Variants in PDE8B observed in about 807,000 individuals in gnomAD.
The protein encoded by PDE8B is phosphodiesterase 8B.
PDE8B carries 26 observed loss-of-function variants against 101.3 expected under a neutral mutation model. That is an observed-to-expected ratio of 0.26 (90% CI 0.19 to 0.36). The LOEUF (loss-of-function observed/expected upper bound fraction) is 0.36, where lower values mean the gene tolerates loss of function less well. Among genes scored for constraint, PDE8B ranks in the 10% least tolerant of loss-of-function variants. The pLI is 1.00. For synonymous variants in PDE8B, 424 were observed against 429.3 expected, an observed-to-expected ratio of 0.99 and a Z score of 0.15; for missense variants, 810 against 1,163.1, an observed-to-expected ratio of 0.70 and a Z score of 4.42.
At chr5:77,291,902 A>G in intron 1 of PDE8B, 2 of 1,073,828 alleles carry the variant, frequency 1.9e-6, no homozygotes, top group Non-Finnish European at 2.8e-6. Flanking sequence ...ATGCATTATT[A>G]TGACTGTGAC....
At chr5:77,194,790 A>G in the PDE8B span, among the ~76,000 whole-genome samples, 1 of 152,246 alleles carries the variant, frequency 6.6e-6, no homozygotes, top group East Asian at 1.9e-4. Context: ...AAATGGCTGA[A>G]TAATATTCCA....
chr5:77,204,857 T>C, the PDE8B span, among the ~76,000 whole-genome samples: 311 of 152,378 alleles, frequency 2.0e-3, 1 homozygote, highest in Middle Eastern at 0.02. Flanking sequence ...TATATTTTCA[T>C]GTGTAAGTCC....
the PDE8B span, among the ~76,000 whole-genome samples, chr5:77,111,498 T>G: frequency 6.6e-6 from 1 of 152,184 alleles, no homozygotes; most frequent in Non-Finnish European, 1.5e-5. Flanking sequence ...GCTCCCTGAC[T>G]GCAGAAAGCA....
At chr5:77,398,151 G>A (rs1791464695) in intron 10 of PDE8B, among the ~76,000 whole-genome samples, 1 of 151,896 alleles carries the variant, frequency 6.6e-6, no homozygotes, top group South Asian at 2.1e-4. Context: ...GAAGTAAATG[G>A]AGAAACAGAA....
At chr5:77,369,691 CACAGCTAGAAA>C (rs1299877856) in intron 10 of PDE8B, among the ~76,000 whole-genome samples, 1 of 152,190 alleles carries the variant, frequency 6.6e-6, no homozygotes, top group Non-Finnish European at 1.5e-5. Flanking sequence ...AGAGCAGTTA[CACAGCTAGAAA>C]ATGTGCAAGC....
At chr5:77,113,786 G>C in the PDE8B span, 1 of 152,188 alleles carries the variant, frequency 6.6e-6, no homozygotes. Context: ...CTAGTATCCA[G>C]AATCTACAAA....
At chr5:77,345,477 T>C (rs1437461801) in intron 7 of PDE8B, among the ~76,000 whole-genome samples, 2 of 152,202 alleles carry the variant, frequency 1.3e-5, no homozygotes, top group East Asian at 3.9e-4. Context: ...GGGTAAATTC[T>C]TTTGACCATC....
chr5:77,372,602 A>T (rs994619670), intron 10 of PDE8B, among the ~76,000 whole-genome samples: 7 of 152,148 alleles, frequency 4.6e-5, no homozygotes, highest in Non-Finnish European at 8.8e-5. Flanking sequence ...TTTTCCCCTA[A>T]ATATAGGAAA....
At chr5:77,423,048 T>TC (rs1382513756) in intron 20 of PDE8B, among the ~76,000 whole-genome samples, 1 of 152,210 alleles carries the variant, frequency 6.6e-6, no homozygotes, top group African/African-American at 2.4e-5. Flanking sequence ...TGTCTACTGT[T>TC]CCAGTTTCTG....
In PDE8B at chr5:77,427,258, C is replaced by T. The variant is rs1798309928; in HGVS notation, c.*704C>T. 6.6e-6 allele frequency: 1 copy of T among 152,430 alleles called. No individual in the cohort carries two copies. The highest frequency in any genetic ancestry group is 6.6e-5 in the Admixed American group (1 of 15,258). The allele number at this position is 152,430 out of a possible 1,614,324, so 9.4% of individuals were successfully genotyped here. On this transcript the variant is annotated 3_prime_UTR_variant, in exon 22 of 22. Transcript: ENST00000264917. The stretch of plus-strand genomic sequence containing the variant: ...AGGGGTTCATCTTAACAAAGTCATC[C>T]ATGATGAGGGAAAAAGTGGCATTTC...
intron 1 of PDE8B, among the ~76,000 whole-genome samples, chr5:77,277,678 T>A (rs1764113161): frequency 6.6e-6 from 1 of 152,242 alleles, no homozygotes; most frequent in African/African-American, 2.4e-5. Context: ...TTCTCTTTTG[T>A]TCATTTTACA....
At chr5:77,178,734 C>T in the PDE8B span, among the ~76,000 whole-genome samples, 1 of 152,136 alleles carries the variant, frequency 6.6e-6, no homozygotes, top group Non-Finnish European at 1.5e-5. Flanking sequence ...CTGAAAGCGG[C>T]AATCAATATC....
chr5:77,263,306 G>T lies in PDE8B; in HGVS notation c.340-48688G>T, dbSNP rs369690714. Among the ~76,000 whole-genome samples the T allele has an allele frequency of 1.3e-3, 195 of 152,306 alleles. 1 individual carries two copies. Among genetic ancestry groups the T allele is most frequent in the Non-Finnish European group, 2.3e-3 (156 of 68,034 alleles). On this transcript the variant is annotated intron_variant, in intron 1 of 21. Coordinates refer to ENST00000264917, the MANE Select transcript of PDE8B (RefSeq NM_003719.5). ...CTTTTATTCCAATGCTGATCTTGCA[G>T]CAGGTTAAATAACATATCCTGATGT...
At position 77,232,338 on chromosome 5, in the gene PDE8B, G is replaced by A. The variant is rs1350557660; in HGVS notation, c.339+21074G>A. On this transcript the variant is annotated intron_variant, in intron 1 of 21. Transcript: ENST00000264917. ...CATATCATTGTATTGCGATAAGCCT[G>A]AAACAGAGAGGGCCACACTGTCTTT... 1.2e-4 allele frequency among the ~76,000 whole-genome samples: 19 copies of A among 152,220 alleles called. 1 individual carries two copies. Among genetic ancestry groups the A allele is most frequent in the Admixed American group, 1.2e-3 (18 of 15,278 alleles).
the PDE8B span, among the ~76,000 whole-genome samples, chr5:77,182,627 AT>A: frequency 1.3e-5 from 2 of 152,310 alleles, no homozygotes; most frequent in East Asian, 3.9e-4. Context: ...TTACCTGGGA[AT>A]GACTCAGTTA....
intron 1 of PDE8B, among the ~76,000 whole-genome samples, chr5:77,295,852 G>T (rs1768408767): frequency 6.6e-6 from 1 of 152,200 alleles, no homozygotes; most frequent in African/African-American, 2.4e-5. Context: ...TCTCCACTCT[G>T]CTTTCCATGG....
At chr5:77,305,632 G>A (rs1245129580) in intron 1 of PDE8B, among the ~76,000 whole-genome samples, 1 of 152,202 alleles carries the variant, frequency 6.6e-6, no homozygotes, top group Non-Finnish European at 1.5e-5. Flanking sequence ...GAAGCCAGAG[G>A]ACAGACAGGG....
rs565149066 is a variant in PDE8B, at chr5:77,252,191, T to G, written c.339+40927T>G. On this transcript the variant is annotated intron_variant, in intron 1 of 21. Transcript: ENST00000264917. Reference sequence around the variant, plus strand: ...GCTGACAGTCCACCCCAGAGCTGGTTCACTTGGGATTCACCCTTTCCCAGA... The same window carrying G: ...GCTGACAGTCCACCCCAGAGCTGGTGCACTTGGGATTCACCCTTTCCCAGA... 5.9e-5 allele frequency among the ~76,000 whole-genome samples: 9 copies of G among 152,338 alleles called. No homozygotes were observed. The South Asian group carries it at 1.9e-3, about 32-fold the overall frequency.
At chr5:77,396,580 C>T (rs186271068) in intron 10 of PDE8B, among the ~76,000 whole-genome samples, 4 of 152,250 alleles carry the variant, frequency 2.6e-5, no homozygotes, top group Admixed American at 2.0e-4. Context: ...ACCACGTGGC[C>T]GCCCAGGAAT....
Sources: allele counts gnomAD v4.1 joint callset (sites outside exome capture counted in the v4.1 genomes callset), GRCh38; gene constraint gnomAD v4.1.1; transcripts MANE v1.5; gene names NCBI Gene and HGNC (gene_info 2026-07-23, HGNC 2026-07-21).